DMD: variants seen among roughly 807,000 people sequenced by gnomAD.
The protein encoded by DMD is mutant dystrophin.
Under a neutral mutation model 330.1 loss-of-function variants are expected in DMD, and 63 were observed. The ratio of observed to expected loss-of-function variants is 0.19; its 90% confidence interval spans 0.16 to 0.24. The LOEUF is 0.24. DMD is among the 10% of genes least tolerant of loss of function. The pLI, the probability that DMD is intolerant of heterozygous loss-of-function variation, is 1.00. For missense variants in DMD, 3,344 were observed against 2,684.1 expected, an observed-to-expected ratio of 1.25 and a Z score of -5.43; for synonymous variants, 1,223 against 959.8, an observed-to-expected ratio of 1.27 and a Z score of -5.07.
At chrX:32,598,186 A>C (rs1035162971) in intron 12 of DMD, among the ~76,000 whole-genome samples, 1 of 112,203 alleles carries the variant, frequency 8.9e-6, no homozygotes, top group Non-Finnish European at 1.9e-5. Flanking sequence ...CTACATTTTC[A>C]AGTGAAGCAA....
chrX:32,464,706 C>A lies in DMD; in HGVS notation c.3163-7G>T. 8.8e-7 allele frequency: 1 copy of A among 1,138,462 alleles called. No homozygotes were observed. The highest frequency in any genetic ancestry group is 1.2e-6 in the Non-Finnish European group (1 of 829,130). The allele number at this position is 1,138,462 out of a possible 1,213,427, so 93.8% of individuals were successfully genotyped here. A position where few individuals can be genotyped will look rare whatever the true frequency, so the allele number is the denominator to read the frequency against. ...TCAGGGTTTGTATGTGATTCTGAAA[C>A]GAGACCCGTTATAAGGCATTACTGG... On this transcript the variant is annotated splice_polypyrimidine_tract_variant and splice_region_variant and intron_variant, in intron 23 of 78. Coordinates refer to ENST00000357033, the MANE Select transcript of DMD (RefSeq NM_004006.3).
At chrX:33,010,363 C>T (rs778157752) in intron 2 of DMD, among the ~76,000 whole-genome samples, 71 of 103,680 alleles carry the variant, frequency 6.8e-4, no homozygotes, top group African/African-American at 2.4e-3. Flanking sequence ...TATGTATATC[C>T]ATATATATAT....
chrX:32,217,126 T>TA lies in DMD; in HGVS notation c.6291-64dup, dbSNP rs2097115251. Reference sequence around the variant, plus strand: ...GATTATGTAAAACAGATTATAGAGATATAGCGTATATTTTTTGGTTATACT... The same window carrying TA: ...GATTATGTAAAACAGATTATAGAGATAATAGCGTATATTTTTTGGTTATACT... On this transcript the variant is annotated intron_variant, in intron 43 of 78. Coordinates refer to ENST00000357033, the MANE Select transcript of DMD (RefSeq NM_004006.3). The TA allele has an allele frequency of 5.5e-6, 6 of 1,094,524 alleles. No homozygotes were observed. The Admixed American group carries it at 1.4e-4, about 25-fold the overall frequency. 90.2% of individuals were successfully genotyped at this position (1,094,524 alleles called of 1,213,427 possible).
At chrX:32,161,121 G>A (rs1020177590) in intron 44 of DMD, among the ~76,000 whole-genome samples, 2 of 111,412 alleles carry the variant, frequency 1.8e-5, no homozygotes, top group African/African-American at 6.5e-5. Context: ...CAATGAGCTC[G>A]CACTTCTATT....
chrX:31,287,641 T>C (rs2053328811), intron 62 of DMD, among the ~76,000 whole-genome samples: 1 of 112,177 alleles, frequency 8.9e-6, no homozygotes. Context: ...AAGCATAATC[T>C]ATAGGAGGAC....
intron 9 of DMD, among the ~76,000 whole-genome samples, chrX:32,666,407 T>C (rs771802251): frequency 2.7e-5 from 3 of 110,594 alleles, no homozygotes; most frequent in South Asian, 3.9e-4. Flanking sequence ...CCTCCCTGTG[T>C]CCATGTGTTC....
chrX:31,443,591 A>G (rs1012773277), intron 60 of DMD, among the ~76,000 whole-genome samples: 13 of 109,914 alleles, frequency 1.2e-4, no homozygotes, highest in African/African-American at 4.0e-4. Context: ...AGGTTAAGTA[A>G]TTTGCTCCAG....
At chrX:31,433,954 G>T (rs1169699837) in intron 60 of DMD, among the ~76,000 whole-genome samples, 1 of 111,658 alleles carries the variant, frequency 9.0e-6, no homozygotes, top group African/African-American at 3.3e-5. Flanking sequence ...ATCTATTCAA[G>T]ACATTTATAG....
At chrX:31,926,686 T>TA (rs778983156) in intron 47 of DMD, among the ~76,000 whole-genome samples, 190 of 100,553 alleles carry the variant, frequency 1.9e-3, no homozygotes, top group African/African-American at 4.3e-3. Context: ...AAAAAATAAA[T>TA]AAAAAAAAAA....
At chrX:31,682,075 C>T (rs148406851) in intron 52 of DMD, among the ~76,000 whole-genome samples, 8,093 of 111,718 alleles carry the variant, frequency 0.072, 234 homozygotes, top group Non-Finnish European at 0.094. Flanking sequence ...AGCAAAACTC[C>T]ATCTCAAAAA....
chrX:33,071,279 C>A (rs553254695), intron 1 of DMD, among the ~76,000 whole-genome samples: 1 of 110,040 alleles, frequency 9.1e-6, no homozygotes, highest in African/African-American at 3.3e-5. Context: ...GGTGAAACCC[C>A]GTTTCCACTA....
At chrX:31,491,446 G>A (rs1232776448) in intron 57 of DMD, among the ~76,000 whole-genome samples, 1 of 112,319 alleles carries the variant, frequency 8.9e-6, no homozygotes, top group African/African-American at 3.2e-5. Context: ...AATTGAAAAC[G>A]AGTCAGTCTA....
chrX:31,896,615 T>A (rs1262698770), intron 47 of DMD, among the ~76,000 whole-genome samples: 5 of 111,737 alleles, frequency 4.5e-5, no homozygotes, highest in African/African-American at 1.6e-4. Flanking sequence ...AGAATGTGCT[T>A]CAAGTTTCAG....
In DMD at chrX:32,217,710, ATT is replaced by A. The variant is rs1227429069; in HGVS notation, c.6291-649_6291-648del. ...ATCTGCCAAGAAACCTGATTTGATC[ATT>A]ACACAATGAAACATTACACTGAAAC... On this transcript the variant is annotated intron_variant, in intron 43 of 78. Transcript: ENST00000357033. Among the ~76,000 whole-genome samples the A allele has an allele frequency of 4.0e-3, 446 of 111,117 alleles. 3 individuals are homozygous for A. The highest frequency in any genetic ancestry group is 0.014 in the African/African-American group (433 of 30,323).
intron 60 of DMD, among the ~76,000 whole-genome samples, chrX:31,353,433 C>T (rs2058523585): frequency 9.0e-6 from 1 of 111,512 alleles, no homozygotes; most frequent in Non-Finnish European, 1.9e-5. Flanking sequence ...TTGTAACTTA[C>T]TAGACTTGGG....
intron 59 of DMD, among the ~76,000 whole-genome samples, chrX:31,468,627 A>G (rs1428179108): frequency 8.9e-6 from 1 of 111,886 alleles, no homozygotes; most frequent in Non-Finnish European, 1.9e-5. Context: ...TGCTGAGAAT[A>G]ATGTATATTC....
At chrX:32,986,160 C>T (rs1410592294) in intron 2 of DMD, among the ~76,000 whole-genome samples, 3 of 111,440 alleles carry the variant, frequency 2.7e-5, no homozygotes, top group Admixed American at 1.9e-4. Flanking sequence ...AAGTAGTTAG[C>T]ATACATCAAA....
At chrX:31,800,302 C>T (rs1017281267) in intron 50 of DMD, among the ~76,000 whole-genome samples, 4 of 112,588 alleles carry the variant, frequency 3.6e-5, no homozygotes, top group Non-Finnish European at 7.5e-5. Context: ...GAATTCTAGG[C>T]AGAGGTTGCA....
intron 55 of DMD, among the ~76,000 whole-genome samples, chrX:31,536,079 T>C (rs1344257849): frequency 8.9e-6 from 1 of 111,956 alleles, no homozygotes; most frequent in Non-Finnish European, 1.9e-5. Context: ...TTTGATCAGG[T>C]AGAAAACCTA....
Sources: gnomAD v4.1 joint callset for allele counts (sites outside exome capture counted in the v4.1 genomes callset) on GRCh38, gnomAD v4.1.1 for gene constraint, MANE v1.5 for transcripts, NCBI Gene and HGNC (gene_info 2026-07-23, HGNC 2026-07-21) for gene names.